The following PTPRG variants were observed in gnomAD, a reference collection of about 807,000 sequenced individuals.
The protein encoded by PTPRG is protein tyrosine phosphatase receptor type G.
A neutral mutation model predicts 165.3 loss-of-function variants in PTPRG; 102 were observed. The ratio of observed to expected loss-of-function variants is 0.62; its 90% CI spans 0.53 to 0.73. PTPRG has a LOEUF of 0.73. Ranked by LOEUF, PTPRG falls within the 30% of genes least tolerant of loss-of-function variation. PTPRG has a pLI of 0.00. For missense variants in PTPRG, 1,866 were observed against 1,861.4 expected, an observed-to-expected ratio of 1.00 and a Z score of -0.05; for synonymous variants, 675 against 669.5, an observed-to-expected ratio of 1.01 and a Z score of -0.13.
intron 1 of PTPRG, among the ~76,000 whole-genome samples, chr3:61,734,467 AC>A (rs1218942797): frequency 6.6e-6 from 1 of 152,066 alleles, no homozygotes; most frequent in Non-Finnish European, 1.5e-5. Context: ...CATTTAATAA[AC>A]CTTTGTAAGT....
intron 2 of PTPRG, among the ~76,000 whole-genome samples, chr3:61,751,815 C>A (rs1380341694): frequency 6.6e-6 from 1 of 151,948 alleles, no homozygotes; most frequent in Non-Finnish European, 1.5e-5. Context: ...ACGGTGAAAT[C>A]CCGTCTCTAC....
At chr3:61,681,297 A>C (rs979499153) in intron 1 of PTPRG, among the ~76,000 whole-genome samples, 6 of 152,194 alleles carry the variant, frequency 3.9e-5, no homozygotes, top group Non-Finnish European at 7.3e-5. Context: ...ACACCCAACC[A>C]CAAAACTTGC....
intron 15 of PTPRG, among the ~76,000 whole-genome samples, chr3:62,247,946 T>G (rs1209788788): frequency 6.6e-6 from 1 of 152,198 alleles, no homozygotes; most frequent in African/African-American, 2.4e-5. Flanking sequence ...TTTTACTAAT[T>G]CTAACAGGAA....
At chr3:61,859,480 CT>C (rs1210986975) in intron 2 of PTPRG, among the ~76,000 whole-genome samples, 2 of 152,102 alleles carry the variant, frequency 1.3e-5, no homozygotes, top group African/African-American at 4.8e-5. Context: ...TTTCTTCCCC[CT>C]ATGCCTCTGT....
Position 62,080,061 on chromosome 3 carries a change from C to CTTTTTTTTTTTTTTTTTTTTTT in PTPRG, c.615+1803_615+1804insTTTTTTTTTTTTTTTTTTTTTT, listed in dbSNP as rs774262138. Among the ~76,000 whole-genome samples, 2 of 111,568 alleles carry CTTTTTTTTTTTTTTTTTTTTTT rather than the reference C, an allele frequency of 1.8e-5. 1 individual carries two copies. Among genetic ancestry groups the CTTTTTTTTTTTTTTTTTTTTTT allele is most frequent in the African/African-American group, 7.2e-5 (2 of 27,768 alleles). The allele number at this position is 111,568 out of a possible 152,430, so 73.2% of individuals were successfully genotyped here. On this transcript the variant is annotated intron_variant, in intron 5 of 29. Coordinates refer to ENST00000474889, the MANE Select transcript of PTPRG (RefSeq NM_002841.4). ...GAGTTCTGTCTGGACCCCTTCGGTT[C>CTTTTTTTTTTTTTTTTTTTTTT]ATTTTTTTTTTTTTTTTTTTTGAGA...
intron 13 of PTPRG, among the ~76,000 whole-genome samples, chr3:62,220,268 C>G (rs546410952): frequency 1.3e-5 from 2 of 152,258 alleles, no homozygotes; most frequent in African/African-American, 4.8e-5. Context: ...GCCTTTCACT[C>G]GAAGATGAGT....
At chr3:61,592,788 G>GAAT (rs1700604506) in intron 1 of PTPRG, among the ~76,000 whole-genome samples, 1 of 151,892 alleles carries the variant, frequency 6.6e-6, no homozygotes, top group South Asian at 2.1e-4. Flanking sequence ...TCCACCGGTT[G>GAAT]AATAGCCCTG....
chr3:61,568,369 G>A (rs1699973506), intron 1 of PTPRG, among the ~76,000 whole-genome samples: 1 of 152,208 alleles, frequency 6.6e-6, no homozygotes, highest in Non-Finnish European at 1.5e-5. Context: ...GGTTAACTCA[G>A]TATGAAAAGG....
intron 2 of PTPRG, among the ~76,000 whole-genome samples, chr3:61,959,351 T>C (rs540546349): frequency 1.3e-5 from 2 of 152,290 alleles, no homozygotes; most frequent in African/African-American, 4.8e-5. Context: ...CCAACCTTTT[T>C]GGCACCAGGG....
chr3:62,076,908 A>G (rs562967033), intron 4 of PTPRG, among the ~76,000 whole-genome samples: 6 of 152,218 alleles, frequency 3.9e-5, no homozygotes, highest in South Asian at 2.1e-4. Context: ...AAATGTCAAA[A>G]TGTGTGCCAG....
At chr3:62,162,657 T>TTGCTGATGC (rs1704812521) in intron 7 of PTPRG, among the ~76,000 whole-genome samples, 1 of 152,190 alleles carries the variant, frequency 6.6e-6, no homozygotes, top group Non-Finnish European at 1.5e-5. Flanking sequence ...TAGATGTATG[T>TTGCTGATGC]TGCTGATGCA....
rs984072920 is a variant in PTPRG, at chr3:62,295,180, G to A, written c.*1873G>A. ...GCTAAGTTGCATGTGCTAGATGAGA[G>A]ACACCTTTACAGCCCCTCCGCTCCA... On this transcript the variant is annotated 3_prime_UTR_variant, in exon 30 of 30. Transcript: ENST00000474889. 1 of 152,148 alleles carries A rather than the reference G, an allele frequency of 6.6e-6. No individual in the cohort carries two copies. The highest frequency in any genetic ancestry group is 2.4e-5 in the African/African-American group (1 of 41,434). 9.4% of individuals were successfully genotyped at this position (152,148 alleles called of 1,614,324 possible).
intron 5 of PTPRG, among the ~76,000 whole-genome samples, chr3:62,098,832 T>C (rs1702198164): frequency 1.3e-5 from 2 of 152,156 alleles, no homozygotes; most frequent in Admixed American, 1.3e-4. Flanking sequence ...ATACTTAACA[T>C]CTCCTTGTTA....
chr3:62,021,857 C>CTTTTT (rs398062374), intron 4 of PTPRG, among the ~76,000 whole-genome samples: 298 of 96,582 alleles, frequency 3.1e-3, no homozygotes, highest in Middle Eastern at 7.6e-3. Context: ...TTTTCCTTTT[C>CTTTTT]TTTTTTTTTT....
intron 23 of PTPRG, 93 bp from the exon 24 acceptor site, chr3:62,275,780 A>T (rs546615212): frequency 4.2e-5 from 37 of 880,800 alleles, no homozygotes; most frequent in Admixed American, 7.2e-5. Context: ...GGTCTTGTTT[A>T]TCAGTAATCT....
intron 2 of PTPRG, among the ~76,000 whole-genome samples, chr3:61,801,861 TACAC>T (rs1170399157): frequency 6.6e-6 from 1 of 151,908 alleles, no homozygotes; most frequent in Non-Finnish European, 1.5e-5. Context: ...CTACTAAAAA[TACAC>T]ACACACAAAA....
intron 2 of PTPRG, among the ~76,000 whole-genome samples, chr3:61,935,691 C>CT (rs58158573): frequency 0.077 from 10,745 of 139,080 alleles, 826 homozygotes; most frequent in East Asian, 0.43. Flanking sequence ...AGTCCCTTAC[C>CT]TTTTTTTTTT....
At chr3:61,671,451 TG>T (rs981454588) in intron 1 of PTPRG, among the ~76,000 whole-genome samples, 1 of 151,436 alleles carries the variant, frequency 6.6e-6, no homozygotes, top group African/African-American at 2.4e-5. Flanking sequence ...AGCACAGGGT[TG>T]GGGGTAAGGT....
chr3:61,803,685 G>C (rs1219691660), intron 2 of PTPRG, among the ~76,000 whole-genome samples: 1 of 152,096 alleles, frequency 6.6e-6, no homozygotes, highest in Non-Finnish European at 1.5e-5. Context: ...AAATGTGAAT[G>C]TCTGGTGGTT....
Sources: gnomAD v4.1 joint callset for allele counts (sites outside exome capture counted in the v4.1 genomes callset) on GRCh38, gnomAD v4.1.1 for gene constraint, MANE v1.5 for transcripts, NCBI Gene and HGNC (gene_info 2026-07-23, HGNC 2026-07-21) for gene names.